Variants in TRPC4 observed in about 807,000 individuals in gnomAD.
The protein encoded by TRPC4 is short transient receptor potential channel 4.
TRPC4 carries 49 observed loss-of-function variants against 99.4 expected under a neutral mutation model. The ratio of observed to expected loss-of-function variants is 0.49; its 90% confidence interval spans 0.39 to 0.63. TRPC4 has a LOEUF of 0.63. Among genes scored for constraint, TRPC4 ranks in the 20% least tolerant of loss-of-function variants. The pLI is 0.00. For missense variants in TRPC4, 898 were observed against 1,152.9 expected (o/e 0.78, Z 3.20); for synonymous variants, 454 against 425.9 (o/e 1.07, Z -0.81).
At chr13:37,795,177 A>G (rs1485649591) in intron 1 of TRPC4, among the ~76,000 whole-genome samples, 3 of 140,684 alleles carry the variant, frequency 2.1e-5, no homozygotes, top group African/African-American at 7.9e-5. Context: ...AAATTCACAC[A>G]TGTATTTTTC....
At chr13:37,821,208 A>ACACACC (rs1555278011) in intron 1 of TRPC4, among the ~76,000 whole-genome samples, 17 of 151,074 alleles carry the variant, frequency 1.1e-4, no homozygotes, top group African/African-American at 3.9e-4. Flanking sequence ...ACACACACAC[A>ACACACC]CACACACACA....
At chr13:37,704,314 T>C (rs1297512533) in intron 3 of TRPC4, among the ~76,000 whole-genome samples, 3 of 152,140 alleles carry the variant, frequency 2.0e-5, no homozygotes, top group Non-Finnish European at 4.4e-5. Flanking sequence ...GTGTATACAT[T>C]TTACAAAAAC....
intron 3 of TRPC4, among the ~76,000 whole-genome samples, chr13:37,699,498 CT>C (rs1954030870): frequency 6.6e-6 from 1 of 152,072 alleles, no homozygotes; most frequent in Non-Finnish European, 1.5e-5. Flanking sequence ...GTTTTTCAGC[CT>C]TGTTAAAAGG....
At chr13:37,782,058 A>T (rs1157424548) in intron 2 of TRPC4, among the ~76,000 whole-genome samples, 2 of 152,132 alleles carry the variant, frequency 1.3e-5, no homozygotes, top group Non-Finnish European at 2.9e-5. Flanking sequence ...CAGATTTTTG[A>T]ACCGCTGCAG....
Position 37,766,660 on chromosome 13 carries a change from T to C in TRPC4, c.378+16296A>G, listed in dbSNP as rs185735051. The stretch of plus-strand genomic sequence containing the variant: ...AAGTCTGAATGCCTGGCTATTATGA[T>C]TGGCTAACAGTAGACATGTGGCTGG... On this transcript the variant is annotated intron_variant, in intron 2 of 10. Coordinates refer to ENST00000379705, the MANE Select transcript of TRPC4 (RefSeq NM_016179.4). Among the ~76,000 whole-genome samples the C allele has an allele frequency of 8.4e-4, 128 of 151,490 alleles. No homozygotes were observed. The Middle Eastern group carries it at 0.024, about 28-fold the overall frequency.
At chr13:37,690,981 G>A (rs1265661017) in intron 4 of TRPC4, among the ~76,000 whole-genome samples, 1 of 152,040 alleles carries the variant, frequency 6.6e-6, no homozygotes, top group Non-Finnish European at 1.5e-5. Flanking sequence ...GCTAAATTGA[G>A]AAAATGTGAT....
At chr13:37,809,803 C>T (rs955519283) in intron 1 of TRPC4, among the ~76,000 whole-genome samples, 3 of 152,016 alleles carry the variant, frequency 2.0e-5, no homozygotes, top group African/African-American at 4.8e-5. Flanking sequence ...GAACCTAGAG[C>T]ACTGATGTTA....
chr13:37,813,395 G>T (rs552127239), intron 1 of TRPC4, among the ~76,000 whole-genome samples: 6 of 151,394 alleles, frequency 4.0e-5, no homozygotes, highest in Non-Finnish European at 8.9e-5. Flanking sequence ...ATATTACAGT[G>T]GATATAAGTA....
chr13:37,674,322 T>C lies in TRPC4; in HGVS notation c.1280A>G (p.Gln427Arg). Residue 427 changes from glutamine (Q) to arginine (R), a missense_variant, in exon 5 of 11, where the codon CAG becomes CGG. This residue lies in a region of TRPC4 where 274 missense variants were observed against 454.9 expected (regional missense o/e 0.60). Transcript: ENST00000379705. ...ATTCCACCAATCATGGATGTAGTCC[T>C]GAAGTCCGCCATCCCACATCTGTTT... is the stretch of plus-strand genomic sequence containing the variant. ...EIKQMWDGGL[Q>R]DYIHDWWNLM... The C allele has an allele frequency of 1.9e-6, 3 of 1,608,622 alleles. No individual in the cohort carries two copies. Among genetic ancestry groups the C allele is most frequent in the East Asian group, 2.2e-5 (1 of 44,666 alleles).
chr13:37,692,614 C>T (rs1229729327), intron 3 of TRPC4, among the ~76,000 whole-genome samples: 3 of 152,016 alleles, frequency 2.0e-5, no homozygotes, highest in Non-Finnish European at 2.9e-5. Context: ...CTGGGGAATA[C>T]GAATATGCAA....
chr13:37,665,224 G>C (rs2138703798), intron 5 of TRPC4, among the ~76,000 whole-genome samples: 1 of 152,090 alleles, frequency 6.6e-6, no homozygotes, highest in African/African-American at 2.4e-5. Context: ...TCTCTTAAAA[G>C]ACACACATAT....
At chr13:37,708,848 G>A (rs1023193352) in intron 3 of TRPC4, among the ~76,000 whole-genome samples, 3 of 151,426 alleles carry the variant, frequency 2.0e-5, no homozygotes, top group Admixed American at 6.6e-5. Context: ...TTCCTTCTCC[G>A]TATACATAAA....
intron 3 of TRPC4, among the ~76,000 whole-genome samples, chr13:37,733,640 C>A (rs1399039528): frequency 1.3e-5 from 2 of 151,924 alleles, no homozygotes; most frequent in Non-Finnish European, 2.9e-5. Context: ...CAACTAGGTT[C>A]CTTGGTATTG....
rs927949731 is a variant in TRPC4 at position 37,762,833 on chromosome 13, A to T, written c.379-16378T>A. ...GTATACATATGTAACTAACCTGCAC[A>T]TTGTGCACATGTACCCTAAAACTTA... On this transcript the variant is annotated intron_variant, in intron 2 of 10. Coordinates refer to ENST00000379705, the MANE Select transcript of TRPC4 (RefSeq NM_016179.4). Among the ~76,000 whole-genome samples the T allele has an allele frequency of 9.3e-5, 14 of 151,012 alleles. No individual in the cohort carries two copies. In the East Asian group the frequency reaches 2.2e-3, roughly 24 times the overall value.
intron 3 of TRPC4, among the ~76,000 whole-genome samples, chr13:37,709,133 C>CATTT (rs1346620879): frequency 2.0e-5 from 3 of 151,856 alleles, no homozygotes; most frequent in African/African-American, 7.3e-5. Flanking sequence ...TGAGGAGTCA[C>CATTT]ATTTAAGGCA....
intron 2 of TRPC4, among the ~76,000 whole-genome samples, chr13:37,766,376 A>G (rs1956366639): frequency 6.6e-6 from 1 of 151,056 alleles, no homozygotes; most frequent in South Asian, 2.1e-4. Context: ...AGACTGTTGC[A>G]ACGAAATTAA....
In TRPC4 at chr13:37,852,149, G is replaced by A. The variant is rs144154528; in HGVS notation, c.-28+17446C>T. On this transcript the variant is annotated intron_variant, in intron 1 of 10. Coordinates refer to ENST00000379705, the MANE Select transcript of TRPC4 (RefSeq NM_016179.4). Reference sequence around the variant, plus strand: ...TGTGACCTGGGGAGACATCAGCTGGGGCAGCTGAAGAAGAGCTTATGCCAT... The same window carrying A: ...TGTGACCTGGGGAGACATCAGCTGGAGCAGCTGAAGAAGAGCTTATGCCAT... Among the ~76,000 whole-genome samples, 46 of 152,224 alleles carry A rather than the reference G, an allele frequency of 3.0e-4. No individual in the cohort carries two copies. In the East Asian group the frequency reaches 8.1e-3, roughly 27 times the overall value.
chr13:37,845,692 T>TATGCAAAAGTAG (rs1958874104), intron 1 of TRPC4, among the ~76,000 whole-genome samples: 1 of 151,808 alleles, frequency 6.6e-6, no homozygotes, highest in Non-Finnish European at 1.5e-5. Context: ...GCAAACTAAC[T>TATGCAAAAGTAG]TTTGCATAGT....
At chr13:37,682,253 T>C (rs942319697) in intron 4 of TRPC4, among the ~76,000 whole-genome samples, 13 of 152,156 alleles carry the variant, frequency 8.5e-5, no homozygotes, top group African/African-American at 2.7e-4. Flanking sequence ...CTTGGAAGTC[T>C]CTTCACAGAA....
Sources: gnomAD v4.1 joint callset for allele counts (sites outside exome capture counted in the v4.1 genomes callset) on GRCh38, gnomAD v4.1.1 for gene constraint, gnomAD v4.1.1 regional missense constraint, MANE v1.5 for transcripts, NCBI Gene and HGNC (gene_info 2026-07-23, HGNC 2026-07-21) for gene names.